Variants in MEI4 observed in about 807,000 individuals in gnomAD.
The protein encoded by MEI4 is meiosis-specific protein MEI4.
In MEI4, 27 loss-of-function variants were observed where a neutral mutation model predicts 31.4. The observed-to-expected ratio is 0.86, with a 90% CI of 0.63 to 1.19. MEI4 has a LOEUF of 1.19. Among genes scored for constraint, MEI4 ranks in the 50% most tolerant of loss-of-function variants. The probability of loss-of-function intolerance (pLI) is 0.00; values close to 1 mark genes in which losing one functional copy is unlikely to be tolerated. For synonymous variants in MEI4, 122 were observed against 145.4 expected, an observed-to-expected ratio of 0.84 and a Z score of 1.16; for missense variants, 329 against 398.9, an observed-to-expected ratio of 0.82 and a Z score of 1.49.
At chr6:77,846,388 A>G (rs1770487641) in intron 4 of MEI4, among the ~76,000 whole-genome samples, 1 of 152,078 alleles carries the variant, frequency 6.6e-6, no homozygotes, top group South Asian at 2.1e-4. Context: ...ATGGACATGT[A>G]TCATTTCATG....
intron 4 of MEI4, among the ~76,000 whole-genome samples, chr6:77,916,778 T>A (rs1442084119): frequency 1.5e-4 from 22 of 142,648 alleles, no homozygotes; most frequent in Admixed American, 2.1e-4. Flanking sequence ...TTTTTTTTTT[T>A]AATATTATAC....
chr6:77,804,012 C>T (rs1769354566), intron 3 of MEI4, among the ~76,000 whole-genome samples: 1 of 152,158 alleles, frequency 6.6e-6, no homozygotes, highest in Non-Finnish European at 1.5e-5. Context: ...CAAACAGGGA[C>T]ATTTATGTCT....
intron 3 of MEI4, among the ~76,000 whole-genome samples, chr6:77,788,620 G>C (rs536678125): frequency 1.3e-5 from 2 of 152,018 alleles, no homozygotes; most frequent in African/African-American, 2.4e-5. Context: ...CAGACAAACA[G>C]AGAGCCGAAT....
In MEI4 at chr6:77,805,654, A is replaced by G. The variant is rs138496406; in HGVS notation, c.769-23277A>G. Among the ~76,000 whole-genome samples, 249 of 152,234 alleles carry G rather than the reference A, an allele frequency of 1.6e-3. No homozygotes were observed. The Middle Eastern group carries it at 0.017, about 10-fold the overall frequency. ...GGAAAATATTTGTAAATAAGCTTCAAACACCTTACAGTTTAAAAATCAGGA... is the reference window on the plus strand; with the variant it reads ...GGAAAATATTTGTAAATAAGCTTCAGACACCTTACAGTTTAAAAATCAGGA... On this transcript the variant is annotated intron_variant, in intron 3 of 4. Transcript: ENST00000684080.
At chr6:77,878,587 T>C (rs1169493701) in intron 4 of MEI4, among the ~76,000 whole-genome samples, 1 of 152,154 alleles carries the variant, frequency 6.6e-6, no homozygotes, top group Non-Finnish European at 1.5e-5. Context: ...ATTTATTTTA[T>C]AATGAATGTT....
At chr6:77,841,333 A>ATATATATATATATTTATTTTT in intron 4 of MEI4, among the ~76,000 whole-genome samples, 21 of 27,738 alleles carry the variant, frequency 7.6e-4, no homozygotes, top group Non-Finnish European at 9.4e-4. Context: ...ATATATATAT[A>ATATATATATATATTTATTTTT]TTTTTTTTTT....
At chr6:77,710,680 A>G (rs747536318) in intron 2 of MEI4, among the ~76,000 whole-genome samples, 1 of 152,190 alleles carries the variant, frequency 6.6e-6, no homozygotes, top group Non-Finnish European at 1.5e-5. Flanking sequence ...AGTTCTAGGC[A>G]GTGACTCTCA....
intron 4 of MEI4, among the ~76,000 whole-genome samples, chr6:77,836,057 A>G (rs1389049317): frequency 6.6e-6 from 1 of 152,150 alleles, no homozygotes; most frequent in African/African-American, 2.4e-5. Context: ...TAAAAAATAC[A>G]GAATCTGTAA....
intron 3 of MEI4, among the ~76,000 whole-genome samples, chr6:77,790,375 G>T (rs895064427): frequency 2.3e-4 from 35 of 151,936 alleles, no homozygotes; most frequent in Non-Finnish European, 3.4e-4. Flanking sequence ...TTGTGCACAT[G>T]TACCCTAAAA....
At chr6:77,756,452 T>G (rs1339695953) in intron 2 of MEI4, among the ~76,000 whole-genome samples, 2 of 152,190 alleles carry the variant, frequency 1.3e-5, no homozygotes, top group Non-Finnish European at 2.9e-5. Flanking sequence ...GTTTTCATCG[T>G]TGAGGACAGA....
chr6:77,779,727 A>G (rs963971871), intron 3 of MEI4, among the ~76,000 whole-genome samples: 7 of 152,138 alleles, frequency 4.6e-5, no homozygotes, highest in Non-Finnish European at 1.0e-4. Context: ...TCAAAATACA[A>G]AATTCCCCCT....
chr6:77,885,009 T>A (rs2127730032), intron 4 of MEI4, among the ~76,000 whole-genome samples: 1 of 152,292 alleles, frequency 6.6e-6, no homozygotes, highest in Non-Finnish European at 1.5e-5. Context: ...TCCATATGTT[T>A]GTATCCTCTT....
chr6:77,731,780 T>C (rs983798951), intron 2 of MEI4, among the ~76,000 whole-genome samples: 5 of 152,042 alleles, frequency 3.3e-5, no homozygotes, highest in Non-Finnish European at 7.3e-5. Context: ...TGTAAGTCTT[T>C]AAACCATCTT....
intron 1 of MEI4, among the ~76,000 whole-genome samples, chr6:77,680,355 A>G (rs1242122004): frequency 6.6e-6 from 1 of 151,974 alleles, no homozygotes; most frequent in Non-Finnish European, 1.5e-5. Context: ...TCAGTGGGGT[A>G]GTGGGGTAAG....
intron 2 of MEI4, among the ~76,000 whole-genome samples, chr6:77,760,570 G>A (rs1352310926): frequency 6.6e-6 from 1 of 151,986 alleles, no homozygotes; most frequent in African/African-American, 2.4e-5. Flanking sequence ...TATTTTTCCT[G>A]TTGTATTTAT....
chr6:77,796,617 G>C (rs1341950167), intron 3 of MEI4, among the ~76,000 whole-genome samples: 1 of 152,078 alleles, frequency 6.6e-6, no homozygotes, highest in Non-Finnish European at 1.5e-5. Flanking sequence ...ATTTATAATA[G>C]CATCAAAAAT....
At chr6:77,789,708 C>T (rs1420682858) in intron 3 of MEI4, among the ~76,000 whole-genome samples, 6 of 152,106 alleles carry the variant, frequency 3.9e-5, no homozygotes, top group South Asian at 4.2e-4. Flanking sequence ...CAATGAGATA[C>T]CATCTCACAC....
intron 4 of MEI4, among the ~76,000 whole-genome samples, chr6:77,879,904 A>G (rs1243167630): frequency 6.6e-6 from 1 of 152,214 alleles, no homozygotes; most frequent in African/African-American, 2.4e-5. Context: ...CCAAAACAAG[A>G]GAGAATAGAG....
At chr6:77,675,934 T>C (rs1011441082) in intron 1 of MEI4, among the ~76,000 whole-genome samples, 2 of 152,232 alleles carry the variant, frequency 1.3e-5, no homozygotes, top group Non-Finnish European at 2.9e-5. Context: ...CAAGTTTCTC[T>C]GCTTACTCAT....
Sources: allele counts gnomAD v4.1 joint callset (sites outside exome capture counted in the v4.1 genomes callset), GRCh38; gene constraint gnomAD v4.1.1; transcripts MANE v1.5; gene names NCBI Gene and HGNC (gene_info 2026-07-23, HGNC 2026-07-21).